Variants in SCGB2B2 observed in about 807,000 individuals in gnomAD.
SCGB2B2 encodes secretoglobin-like protein.
Under a neutral mutation model 7.6 loss-of-function variants are expected in SCGB2B2, and 11 were observed. That is an observed-to-expected ratio of 1.45 (90% confidence interval 0.91 to 2.40). SCGB2B2 has a LOEUF of 2.40. Among genes scored for constraint, SCGB2B2 ranks in the 30% most tolerant of loss-of-function variants. The pLI, the probability that SCGB2B2 is intolerant of heterozygous loss-of-function variation, is 0.00. For synonymous variants in SCGB2B2, 50 were observed against 48.6 expected (o/e 1.03, Z -0.12); for missense variants, 104 against 115.4 (o/e 0.90, Z 0.45).
Position 34,604,518 on chromosome 19 carries a change from A to G in SCGB2B2, c.-2031-7924T>C, listed in dbSNP as rs186568088. Among the ~76,000 whole-genome samples the G allele has an allele frequency of 3.4e-3, 513 of 152,318 alleles. 3 individuals carry two copies. Among genetic ancestry groups the G allele is most frequent in the African/African-American group, 0.012 (488 of 41,572 alleles). On this transcript the variant is annotated intron_variant, in intron 1 of 3. Transcript: ENST00000601241. Reference sequence around the variant, plus strand: ...TGAAACACCAGCCAAACTACAGCACATGAGTGATCATCAATGATTGTCATT... The same window carrying G: ...TGAAACACCAGCCAAACTACAGCACGTGAGTGATCATCAATGATTGTCATT...
chr19:34,603,856 G>T (rs929187483), intron 1 of SCGB2B2, among the ~76,000 whole-genome samples: 14 of 146,724 alleles, frequency 9.5e-5, no homozygotes, highest in Admixed American at 7.0e-4. Flanking sequence ...GAGTGCAGGG[G>T]CTATTCACAG....
intron 1 of SCGB2B2, among the ~76,000 whole-genome samples, chr19:34,643,268 C>A (rs2066897286): frequency 6.6e-6 from 1 of 152,154 alleles, no homozygotes; most frequent in Non-Finnish European, 1.5e-5. Flanking sequence ...TCTTTTGCAG[C>A]AACATGAATG....
At chr19:34,630,238 G>T (rs2066491130) in intron 1 of SCGB2B2, among the ~76,000 whole-genome samples, 1 of 151,844 alleles carries the variant, frequency 6.6e-6, no homozygotes, top group Non-Finnish European at 1.5e-5. Flanking sequence ...AAAAGCAATG[G>T]CAACAAATGC....
At chr19:34,618,557 G>A (rs989214379) in intron 1 of SCGB2B2, among the ~76,000 whole-genome samples, 1 of 151,984 alleles carries the variant, frequency 6.6e-6, no homozygotes, top group African/African-American at 2.4e-5. Context: ...TGAACCTTTA[G>A]TTTTTTTCCC....
In SCGB2B2 at chr19:34,676,202, C is replaced by CA. The variant is rs1335440522; in HGVS notation, c.-2605dup. 1 of 152,204 alleles carries CA rather than the reference C, an allele frequency of 6.6e-6. No individual in the cohort carries two copies. The highest frequency in any genetic ancestry group is 2.4e-5 in the African/African-American group (1 of 41,440). 9.4% of individuals were successfully genotyped at this position (152,204 alleles called of 1,614,324 possible). On this transcript the variant is annotated 5_prime_UTR_variant, in exon 1 of 4. Coordinates refer to ENST00000601241, the MANE Select transcript of SCGB2B2 (RefSeq NM_001025591.4). ...GCATTTACAAACCTTTAGCTAGACA[C>CA]AGAGCACTGATTGGTGTATTTACAA...
At position 34,651,460 on chromosome 19, in the gene SCGB2B2, T is replaced by C. The variant is rs73042042; in HGVS notation, c.-2032+24170A>G. ...AGATGAAGGATACAAAATCAACGTA[T>C]TAAAAGCAGTACCATTCCTGGACAT... On this transcript the variant is annotated intron_variant, in intron 1 of 3. Coordinates refer to ENST00000601241, the MANE Select transcript of SCGB2B2 (RefSeq NM_001025591.4). 1.3e-3 allele frequency among the ~76,000 whole-genome samples: 197 copies of C among 151,250 alleles called. 2 individuals carry two copies. Among genetic ancestry groups the C allele is most frequent in the Middle Eastern group, 3.4e-3 (1 of 294 alleles).
At chr19:34,643,719 A>G (rs1237671579) in intron 1 of SCGB2B2, among the ~76,000 whole-genome samples, 2 of 152,218 alleles carry the variant, frequency 1.3e-5, no homozygotes, top group Non-Finnish European at 2.9e-5. Flanking sequence ...CAATTAAAAA[A>G]AACTATTCCT....
rs190786762 is a variant in SCGB2B2, at chr19:34,622,965, A to C, written c.-2031-26371T>G. Among the ~76,000 whole-genome samples the C allele has an allele frequency of 4.2e-3, 636 of 150,998 alleles. 3 individuals carry two copies. The highest frequency in any genetic ancestry group is 0.014 in the African/African-American group (575 of 41,074). On this transcript the variant is annotated intron_variant, in intron 1 of 3. Transcript: ENST00000601241. ...TATTATGGAAAGCTTGTAGTAGTTAATAGGTTTGGCTATAGTCCTTTGTGG... is the reference window on the plus strand; with the variant it reads ...TATTATGGAAAGCTTGTAGTAGTTACTAGGTTTGGCTATAGTCCTTTGTGG...
In SCGB2B2 at chr19:34,594,191, G is replaced by A. The variant is rs754379029; in HGVS notation, c.230C>T (p.Ala77Val). The change falls in exon 3 of 4, where the codon GCT becomes GTT. Residue 77 changes from alanine (A) to valine (V), a missense_variant. Ala to Val is a moderately conservative substitution (Grantham distance 64). Coordinates refer to ENST00000601241, the MANE Select transcript of SCGB2B2 (RefSeq NM_001025591.4). ...FANVSVTERF[A>V]HSVVIKKILQ... Reference sequence around the variant, plus strand: ...CACACTCACAATAACAACTGAATGAGCAAATCTTTCTGTCACGGAGACATT... The same window carrying A: ...CACACTCACAATAACAACTGAATGAACAAATCTTTCTGTCACGGAGACATT... 5 of 1,613,904 alleles carry A rather than the reference G, an allele frequency of 3.1e-6. No homozygotes were observed. Among genetic ancestry groups the A allele is most frequent in the Admixed American group, 1.7e-5 (1 of 59,998 alleles).
At position 34,618,847 on chromosome 19, in the gene SCGB2B2, C is replaced by T. The variant is rs186494480; in HGVS notation, c.-2031-22253G>A. Among the ~76,000 whole-genome samples, 4 of 152,282 alleles carry T rather than the reference C, an allele frequency of 2.6e-5. No individual in the cohort carries two copies. In the East Asian group the frequency reaches 7.7e-4, roughly 29 times the overall value. On this transcript the variant is annotated intron_variant, in intron 1 of 3. Transcript: ENST00000601241. ...AGATCTCAGGATGAGGATAGAGCTG[C>T]AGATAGTGTCCAACTCTCCCAAACT... is the stretch of plus-strand genomic sequence containing the variant.
chr19:34,666,910 A>G (rs957070608), intron 1 of SCGB2B2, among the ~76,000 whole-genome samples: 2 of 152,014 alleles, frequency 1.3e-5, no homozygotes, highest in African/African-American at 4.8e-5. Context: ...GCAGCTCGTG[A>G]CCGTCATGAA....
At chr19:34,597,432 T>C (rs1049498653) in intron 1 of SCGB2B2, among the ~76,000 whole-genome samples, 2 of 135,412 alleles carry the variant, frequency 1.5e-5, no homozygotes, top group Non-Finnish European at 3.2e-5. Context: ...GCTGGAGACA[T>C]CATCTACCTC....
rs532047721 is a variant in SCGB2B2, at chr19:34,620,872, T to C, written c.-2031-24278A>G. ...TGAAATCAGTAATTATGAGAATGTA[T>C]ACTGGGAAAACTTTCAAAATAAATT... On this transcript the variant is annotated intron_variant, in intron 1 of 3. Coordinates refer to ENST00000601241, the MANE Select transcript of SCGB2B2 (RefSeq NM_001025591.4). Among the ~76,000 whole-genome samples the C allele has an allele frequency of 3.9e-5, 6 of 152,252 alleles. No homozygotes were observed. The South Asian group carries it at 1.0e-3, about 26-fold the overall frequency.
Position 34,638,796 on chromosome 19 carries a change from T to C in SCGB2B2, c.-2032+36834A>G, listed in dbSNP as rs146621055. Among the ~76,000 whole-genome samples, 1,150 of 152,316 alleles carry C rather than the reference T, an allele frequency of 7.6e-3. 10 individuals are homozygous for C. Among genetic ancestry groups the C allele is most frequent in the African/African-American group, 0.027 (1,105 of 41,564 alleles). On this transcript the variant is annotated intron_variant, in intron 1 of 3. Coordinates refer to ENST00000601241, the MANE Select transcript of SCGB2B2 (RefSeq NM_001025591.4). ...CCAATGAGAACAATCAAGCCCTGCA[T>C]GATTTGGAATCTGGAGATTGGGTCT...
At chr19:34,662,705 T>C (rs371047877) in intron 1 of SCGB2B2, among the ~76,000 whole-genome samples, 6 of 151,980 alleles carry the variant, frequency 3.9e-5, no homozygotes, top group Non-Finnish European at 7.4e-5. Context: ...CTTTAGCACA[T>C]TGGGAGGCCA....
chr19:34,664,155 C>A (rs541763650), intron 1 of SCGB2B2, among the ~76,000 whole-genome samples: 5 of 152,316 alleles, frequency 3.3e-5, no homozygotes, highest in East Asian at 1.9e-4. Context: ...CCTCCCAGTG[C>A]GGGAGAAAAG....
At chr19:34,618,891 T>C (rs432197) in intron 1 of SCGB2B2, among the ~76,000 whole-genome samples, 145,175 of 152,328 alleles carry the variant, frequency 0.95, 69,602 homozygotes, top group Middle Eastern at 0.99. Context: ...GGACCTGGCC[T>C]AAGCCTTACC....
At chr19:34,632,801 C>T (rs2066570937) in intron 1 of SCGB2B2, 1 of 152,238 alleles carries the variant, frequency 6.6e-6, no homozygotes, top group Non-Finnish European at 1.5e-5. Context: ...GAGACTGCCC[C>T]TCCCAGGGCT....
chr19:34,645,370 G>C (rs1295694395), intron 1 of SCGB2B2: 5 of 157,590 alleles, frequency 3.2e-5, no homozygotes, highest in Admixed American at 1.3e-4. Context: ...AGGGAGGACA[G>C]AGACTGTCAC....
Sources: gnomAD v4.1 joint callset for allele counts (sites outside exome capture counted in the v4.1 genomes callset) on GRCh38, gnomAD v4.1.1 for gene constraint, MANE v1.5 for transcripts, NCBI Gene and HGNC (gene_info 2026-07-23, HGNC 2026-07-21) for gene names.